COL18A1: variants seen among roughly 807,000 people sequenced by gnomAD.
COL18A1 encodes collagen alpha-1(XVIII) chain.
In COL18A1, 133 loss-of-function variants were observed where a neutral mutation model predicts 168.0. The ratio of observed to expected loss-of-function variants is 0.79; its 90% CI spans 0.69 to 0.91. The LOEUF (loss-of-function observed/expected upper bound fraction) is 0.91. Among genes scored for constraint, COL18A1 ranks in the 40% least tolerant of loss-of-function variants. The pLI, the probability that COL18A1 is intolerant of heterozygous loss-of-function variation, is 0.00. For synonymous variants in COL18A1, 949 were observed against 809.0 expected (o/e 1.17, Z -2.94); for missense variants, 2,126 against 1,925.4 (o/e 1.10, Z -1.95).
Position 45,468,516 on chromosome 21 carries a change from G to A in COL18A1, c.381G>A (p.Gly127=), listed in dbSNP as rs756400740. ...AMVLLGVKLS[G]VQDGHQDISL... ...TCTTGCTGGGCGTGAAGCTCTCTGG[G>A]GTGCAGGACGGGCACCAGGACATCT... is the stretch of plus-strand genomic sequence containing the variant. The change falls in exon 3 of 42, where the codon GGG becomes GGA. Residue 127 remains glycine, a synonymous_variant. Transcript: ENST00000651438. The A allele has an allele frequency of 3.7e-6, 6 of 1,613,576 alleles. No homozygotes were observed. Among genetic ancestry groups the A allele is most frequent in the Non-Finnish European group, 5.1e-6 (6 of 1,179,910 alleles).
intron 4 of COL18A1, among the ~76,000 whole-genome samples, chr21:45,474,214 A>C (rs1158480475): frequency 6.6e-6 from 1 of 152,120 alleles, no homozygotes; most frequent in Admixed American, 6.5e-5. Context: ...CCTCCATGGC[A>C]GCTGGTGAGA....
chr21:45,475,481 C>T lies in COL18A1; in HGVS notation c.744C>T (p.Ser248=), dbSNP rs1168039383. Reference sequence around the variant, plus strand: ...TCCCTTTTCAAACTCCTCAGGCATCCGGAGACTCTGGCAGCGGGCTCGGGG... The same window carrying T: ...TCCCTTTTCAAACTCCTCAGGCATCTGGAGACTCTGGCAGCGGGCTCGGGG... ...DEEGDDSDGA[S]GDSGSGLGDA... Residue 248 remains serine, a synonymous_variant, in exon 5 of 42, where the codon TCC becomes TCT. Coordinates refer to ENST00000651438, the MANE Select transcript of COL18A1 (RefSeq NM_001379500.1). 8.7e-6 allele frequency: 14 copies of T among 1,603,226 alleles called. No individual in the cohort carries two copies. Among genetic ancestry groups the T allele is most frequent in the Admixed American group, 5.1e-5 (3 of 58,728 alleles).
chr21:45,510,724 C>T lies in COL18A1; in HGVS notation c.3694-387C>T, dbSNP rs573812875. On this transcript the variant is annotated intron_variant, in intron 40 of 41. Transcript: ENST00000651438. ...ACTGGGCTGTGGCTTCTGGGTGCCCCGGGGAGCACCCACATTCCCCAGAAC... is the reference window on the plus strand; with the variant it reads ...ACTGGGCTGTGGCTTCTGGGTGCCCTGGGGAGCACCCACATTCCCCAGAAC... 3.3e-5 allele frequency among the ~76,000 whole-genome samples: 5 copies of T among 152,280 alleles called. No homozygotes were observed. In the East Asian group the frequency reaches 5.8e-4, roughly 18 times the overall value.
chr21:45,505,754 AC>A (rs574978315), intron 36 of COL18A1, 83 bp from the exon 37 acceptor site: 2 of 1,122,626 alleles, frequency 1.8e-6, no homozygotes, highest in East Asian at 5.1e-5. Context: ...CCTGCCCAGC[AC>A]CCTGAAACGG....
Position 45,510,205 on chromosome 21 carries a change from C to G in COL18A1, c.3637C>G (p.Leu1213Val). The change falls in exon 40 of 42, where the codon CTG becomes GTG. Residue 1213 changes from leucine to valine, a missense_variant. Transcript: ENST00000651438. Reference protein sequence around the residue: ...RAFLSSRLQDLYSIVRRADRA... With the variant: ...RAFLSSRLQDVYSIVRRADRA... ...CTTCCTGTCCTCGCGCCTGCAGGACCTGTACAGCATCGTGCGCCGTGCCGA... is the reference window on the plus strand; with the variant it reads ...CTTCCTGTCCTCGCGCCTGCAGGACGTGTACAGCATCGTGCGCCGTGCCGA... 2 of 1,603,986 alleles carry G rather than the reference C, an allele frequency of 1.2e-6. No individual in the cohort carries two copies. The highest frequency in any genetic ancestry group is 1.1e-5 in the South Asian group (1 of 89,562).
In COL18A1 at chr21:45,437,288, G is replaced by GCA. The variant is rs1336041353; in HGVS notation, c.107-30942_107-30941dup. On this transcript the variant is annotated intron_variant, in intron 2 of 41. Coordinates refer to ENST00000651438, the MANE Select transcript of COL18A1 (RefSeq NM_001379500.1). ...CACTCAGACACACAGGCACTCTCCT[G>GCA]CACACACACACACTCACACAGGCAC... Among the ~76,000 whole-genome samples, 28 of 86,050 alleles carry GCA rather than the reference G, an allele frequency of 3.3e-4. 1 individual carries two copies. The highest frequency in any genetic ancestry group is 8.6e-4 in the African/African-American group (15 of 17,506). The allele number at this position is 86,050 out of a possible 152,430, so 56.5% of individuals were successfully genotyped here.
At chr21:45,492,055 T>C (rs1375294955) in intron 22 of COL18A1, among the ~76,000 whole-genome samples, 1 of 152,096 alleles carries the variant, frequency 6.6e-6, no homozygotes, top group African/African-American at 2.4e-5. Context: ...GCTCCCCACC[T>C]AGGAGGTGGG....
At chr21:45,492,455 T>A in intron 22 of COL18A1, 80 bp from the exon 23 acceptor site, 1 of 1,531,064 alleles carries the variant, frequency 6.5e-7, no homozygotes, top group Non-Finnish European at 9.0e-7. Flanking sequence ...TGGTGTTTTG[T>A]TGATCTGTAA....
At chr21:45,502,256 A>G (rs192469268) in intron 32 of COL18A1, among the ~76,000 whole-genome samples, 59 of 152,342 alleles carry the variant, frequency 3.9e-4, no homozygotes, top group Non-Finnish European at 6.8e-4. Context: ...GTTACAGGGC[A>G]TGCCTCCAGG....
rs1201375794 is a variant in COL18A1 at position 45,509,541 on chromosome 21, C to T, written c.3435C>T (p.His1145=). Reference sequence around the variant, plus strand: ...CCCCGCACCACAGCTCCTACGTGCACCTGCGGCCGGCGCGACCCACAAGCC... The same window carrying T: ...CCCCGCACCACAGCTCCTACGTGCATCTGCGGCCGGCGCGACCCACAAGCC... ...PGAPHHSSYV[H]LRPARPTSPP... Residue 1145 remains histidine, a synonymous_variant, in exon 39 of 42, where the codon CAC becomes CAT. Coordinates refer to ENST00000651438, the MANE Select transcript of COL18A1 (RefSeq NM_001379500.1). 3.2e-6 allele frequency: 5 copies of T among 1,538,504 alleles called. No individual in the cohort carries two copies. The highest frequency in any genetic ancestry group is 1.9e-5 in the Admixed American group (1 of 52,612).
rs7279515 is a variant in COL18A1 at position 45,450,170 on chromosome 21, T to C, written c.107-18072T>C. Reference sequence around the variant, plus strand: ...CCTGCCTGGGCCTGTCCTTGGACAGTCTCTGGTCCCTGGGGAAGGAGGGGA... The same window carrying C: ...CCTGCCTGGGCCTGTCCTTGGACAGCCTCTGGTCCCTGGGGAAGGAGGGGA... On this transcript the variant is annotated intron_variant, in intron 2 of 41. Coordinates refer to ENST00000651438, the MANE Select transcript of COL18A1 (RefSeq NM_001379500.1). Among the ~76,000 whole-genome samples, 338 of 152,212 alleles carry C rather than the reference T, an allele frequency of 2.2e-3. 1 individual carries two copies. Among genetic ancestry groups the C allele is most frequent in the African/African-American group, 7.8e-3 (326 of 41,536 alleles).
chr21:45,405,396 C>G lies in COL18A1; in HGVS notation c.29C>G (p.Pro10Arg). The change falls in exon 2 of 42, where the codon CCG becomes CGG. Residue 10 changes from proline (P) to arginine (R), a missense_variant. By Grantham distance (103) the Pro-to-Arg change is moderately radical. Coordinates refer to ENST00000651438, the MANE Select transcript of COL18A1 (RefSeq NM_001379500.1). Reference sequence around the variant, plus strand: ...CCGCGCAGGTGCCCCTGGCCATGGCCGCGGCGGCGGCGCCTCCTGGACGTG... The same window carrying G: ...CCGCGCAGGTGCCCCTGGCCATGGCGGCGGCGGCGGCGCCTCCTGGACGTG... MAPRCPWPW[P>R]RRRRLLDVLA... 5.3e-6 allele frequency: 7 copies of G among 1,311,344 alleles called. No homozygotes were observed. The South Asian group carries it at 1.4e-4, about 25-fold the overall frequency. 81.2% of individuals were successfully genotyped at this position (1,311,344 alleles called of 1,614,324 possible).
intron 32 of COL18A1, among the ~76,000 whole-genome samples, chr21:45,500,463 A>T (rs116710189): frequency 0.012 from 508 of 42,634 alleles, 21 homozygotes; most frequent in African/African-American, 0.049. Flanking sequence ...CTGGGTGTGT[A>T]GTGTGGGGGT....
Position 45,457,167 on chromosome 21 carries a change from C to T in COL18A1, c.107-11075C>T, listed in dbSNP as rs2034861369. 1.3e-5 allele frequency among the ~76,000 whole-genome samples: 2 copies of T among 152,186 alleles called. No homozygotes were observed. Among genetic ancestry groups the T allele is most frequent in the Non-Finnish European group, 2.9e-5 (2 of 68,038 alleles). On this transcript the variant is annotated intron_variant, in intron 2 of 41. Coordinates refer to ENST00000651438, the MANE Select transcript of COL18A1 (RefSeq NM_001379500.1). The surrounding 1 kb of genome is among the most constrained non-coding windows in gnomAD (Gnocchi z 4.6). ...TAGCGCATTTAGTCCTCAGCACGGT[C>T]CCGAGATACCCTGCCATGCCCCGAG...
intron 2 of COL18A1, among the ~76,000 whole-genome samples, chr21:45,449,296 G>A (rs763934208): frequency 6.6e-6 from 1 of 152,194 alleles, no homozygotes; most frequent in East Asian, 1.9e-4. Context: ...CAGGCTGCCC[G>A]CTGAGCGCCA....
intron 2 of COL18A1, 105 bp from the exon 3 acceptor site, chr21:45,468,137 T>C (rs1204584188): frequency 7.9e-7 from 1 of 1,265,092 alleles, no homozygotes; most frequent in Non-Finnish European, 1.1e-6. Flanking sequence ...CCTCCCAGAC[T>C]CAGTTTCTCC....
At chr21:45,476,627 T>C (rs2035666790) in intron 6 of COL18A1, 147 bp downstream of exon 6, 12 of 1,041,948 alleles carry the variant, frequency 1.2e-5, no homozygotes, top group Non-Finnish European at 1.6e-5. Context: ...ATATGGCACG[T>C]GTTTGTGTGA....
chr21:45,438,109 CAG>C (rs1432957344), intron 2 of COL18A1, among the ~76,000 whole-genome samples: 2 of 112,676 alleles, frequency 1.8e-5, no homozygotes, highest in Admixed American at 1.7e-4. Flanking sequence ...CACTCACACT[CAG>C]ACACACAGGC....
chr21:45,409,788 G>C (rs1047278990), intron 2 of COL18A1, among the ~76,000 whole-genome samples: 2 of 152,204 alleles, frequency 1.3e-5, no homozygotes, highest in Non-Finnish European at 2.9e-5. Flanking sequence ...GGGGTTCTGT[G>C]AGCGGCCGCT....
Sources: gnomAD v4.1 joint callset for allele counts (sites outside exome capture counted in the v4.1 genomes callset) on GRCh38, gnomAD v4.1.1 for gene constraint, Gnocchi (gnomAD v3.1) non-coding constraint, MANE v1.5 for transcripts, NCBI Gene and HGNC (gene_info 2026-07-23, HGNC 2026-07-21) for gene names.